The following LRBA variants were observed in gnomAD, a reference collection of about 807,000 sequenced individuals.
The protein encoded by LRBA is LPS responsive beige-like anchor protein.
LRBA carries 176 observed loss-of-function variants against 330.0 expected under a neutral mutation model. The ratio of observed to expected loss-of-function variants is 0.53; its 90% CI spans 0.47 to 0.60. The LOEUF (loss-of-function observed/expected upper bound fraction) is 0.60. Ranked by LOEUF, LRBA falls within the 20% of genes least tolerant of loss-of-function variation. The probability of loss-of-function intolerance (pLI) is 0.00; values close to 1 mark genes in which losing one functional copy is unlikely to be tolerated. For missense variants in LRBA, 3,259 were observed against 3,444.8 expected (o/e 0.95, Z 1.35); for synonymous variants, 1,230 against 1,193.0 (o/e 1.03, Z -0.64).
Position 150,697,334 on chromosome 4 carries a change from A to ACAAC in LRBA, c.5755-13618_5755-13617insGTTG. ...GTGAGACTTTGTCTCAGAAAAAAAA[A>ACAAC]AAAAAAAAAAAAAAAAACAGGGAGA... On this transcript the variant is annotated intron_variant, in intron 36 of 56. Coordinates refer to ENST00000651943, the MANE Select transcript of LRBA (RefSeq NM_001364905.1). 1.4e-4 allele frequency among the ~76,000 whole-genome samples: 21 copies of ACAAC among 147,164 alleles called. 2 individuals carry two copies. Among genetic ancestry groups the ACAAC allele is most frequent in the African/African-American group, 5.0e-4 (20 of 40,140 alleles).
intron 40 of LRBA, chr4:150,580,629 A>C (rs1771189623): frequency 6.6e-6 from 1 of 152,166 alleles, no homozygotes; most frequent in Non-Finnish European, 1.5e-5. Context: ...AATCAAACTA[A>C]AAATAATCAC....
chr4:150,870,528 G>A lies in LRBA; in HGVS notation c.2446C>T (p.Pro816Ser). ...TTAAAGTATATAAAATACATACGAG[G>A]GTTTTGTATCTTCACTGAAGAATCA... The part of the protein sequence containing the change: ...DPDSSVKIQN[P>S]QILKVIATLL... The change falls in exon 20 of 57, where the codon CCT becomes TCT. Residue 816 changes from proline to serine, a missense_variant. By Grantham distance (74) the Pro-to-Ser change is moderately conservative. Coordinates refer to ENST00000651943, the MANE Select transcript of LRBA (RefSeq NM_001364905.1). 3.2e-6 allele frequency: 5 copies of A among 1,553,942 alleles called. No homozygotes were observed. Among genetic ancestry groups the A allele is most frequent in the Non-Finnish European group, 4.4e-6 (5 of 1,126,398 alleles).
chr4:150,541,369 G>C (rs1765303184), intron 40 of LRBA, among the ~76,000 whole-genome samples: 1 of 152,094 alleles, frequency 6.6e-6, no homozygotes, highest in Non-Finnish European at 1.5e-5. Flanking sequence ...GGAAAAACTG[G>C]GACAGGAGAA....
At chr4:150,696,242 A>T (rs1353636041) in intron 36 of LRBA, among the ~76,000 whole-genome samples, 1 of 152,144 alleles carries the variant, frequency 6.6e-6, no homozygotes, top group East Asian at 1.9e-4. Flanking sequence ...AACAAAAATA[A>T]ATTTCAAATA....
chr4:150,752,788 A>T (rs541475595), intron 35 of LRBA, among the ~76,000 whole-genome samples: 2 of 152,292 alleles, frequency 1.3e-5, no homozygotes, highest in Admixed American at 1.3e-4. Flanking sequence ...AACTCATGAT[A>T]TTACAGAGGC....
intron 5 of LRBA, among the ~76,000 whole-genome samples, chr4:150,917,257 A>G (rs972219006): frequency 6.6e-6 from 1 of 151,610 alleles, no homozygotes. Flanking sequence ...CCTAATACAT[A>G]GTAATGTTAA....
chr4:150,445,365 C>CTG (rs1561188351), intron 44 of LRBA, among the ~76,000 whole-genome samples: 8 of 74,158 alleles, frequency 1.1e-4, no homozygotes, highest in African/African-American at 3.9e-4. Flanking sequence ...CTCTCTCTCT[C>CTG]TCTCTCTCTC....
rs534418818 is a variant in LRBA, at chr4:150,917,516, A to G, written c.646-778T>C. ...TAAAACTGAAGAGGATTAGTTCATA[A>G]TATTTTTAAATTATATTCAGAAGTC... On this transcript the variant is annotated intron_variant, in intron 5 of 56. Transcript: ENST00000651943. 1.5e-4 allele frequency among the ~76,000 whole-genome samples: 23 copies of G among 152,324 alleles called. No homozygotes were observed. In the South Asian group the frequency reaches 4.8e-3, roughly 32 times the overall value.
intron 44 of LRBA, among the ~76,000 whole-genome samples, chr4:150,453,766 A>C (rs1235362414): frequency 1.3e-5 from 2 of 152,154 alleles, no homozygotes; most frequent in African/African-American, 4.8e-5. Context: ...CAGGTTGGGA[A>C]CAACTGGCAC....
At chr4:150,463,127 C>CATCAAATA (rs1754990231) in intron 44 of LRBA, among the ~76,000 whole-genome samples, 1 of 151,964 alleles carries the variant, frequency 6.6e-6, no homozygotes, top group Non-Finnish European at 1.5e-5. Context: ...TCCAAACTCA[C>CATCAAATA]TTATTTCATC....
chr4:150,762,275 T>C (rs890831314), intron 34 of LRBA, among the ~76,000 whole-genome samples: 1 of 152,036 alleles, frequency 6.6e-6, no homozygotes, highest in East Asian at 1.9e-4. Flanking sequence ...TAGTTCACCA[T>C]AAAAATTGAT....
intron 40 of LRBA, among the ~76,000 whole-genome samples, chr4:150,548,845 C>A (rs1766198536): frequency 6.6e-6 from 1 of 152,072 alleles, no homozygotes; most frequent in African/African-American, 2.4e-5. Context: ...TGTTTTTCCA[C>A]AAATGAGGAA....
At chr4:150,864,270 C>T (rs1466821367) in intron 22 of LRBA, among the ~76,000 whole-genome samples, 1 of 152,010 alleles carries the variant, frequency 6.6e-6, no homozygotes, top group Admixed American at 6.6e-5. Context: ...TTAAGGTCCC[C>T]AAAGACTCTT....
chr4:150,513,163 C>T (rs1054852189), intron 40 of LRBA, among the ~76,000 whole-genome samples: 1 of 152,196 alleles, frequency 6.6e-6, no homozygotes, highest in African/African-American at 2.4e-5. Flanking sequence ...GATGGAAAGA[C>T]CACCTCAAGG....
chr4:150,356,278 C>G (rs546150640), intron 47 of LRBA, among the ~76,000 whole-genome samples: 1 of 152,006 alleles, frequency 6.6e-6, no homozygotes. Context: ...TTAGCCTGTT[C>G]AAACAAAGCA....
At chr4:150,960,037 A>G (rs1737970894) in intron 2 of LRBA, among the ~76,000 whole-genome samples, 1 of 148,160 alleles carries the variant, frequency 6.7e-6, no homozygotes, top group South Asian at 2.1e-4. Flanking sequence ...ACCGGTGTGT[A>G]CCACCATGCC....
intron 38 of LRBA, among the ~76,000 whole-genome samples, chr4:150,593,256 A>G (rs1773109164): frequency 6.6e-6 from 1 of 152,184 alleles, no homozygotes; most frequent in Admixed American, 6.5e-5. Context: ...TTGGATTTAT[A>G]ATTCCTTCTT....
At chr4:150,941,553 CT>C (rs1373333932) in intron 2 of LRBA, among the ~76,000 whole-genome samples, 1 of 152,134 alleles carries the variant, frequency 6.6e-6, no homozygotes, top group African/African-American at 2.4e-5. Context: ...ACAATCCAGA[CT>C]TTTTTTGGAA....
At chr4:150,275,118 G>GT (rs1746590405) in intron 56 of LRBA, among the ~76,000 whole-genome samples, 1 of 152,172 alleles carries the variant, frequency 6.6e-6, no homozygotes, top group Non-Finnish European at 1.5e-5. Context: ...TGCAAGGCTG[G>GT]TTCAACATAC....
Sources: allele counts gnomAD v4.1 joint callset (sites outside exome capture counted in the v4.1 genomes callset), GRCh38; gene constraint gnomAD v4.1.1; transcripts MANE v1.5; gene names NCBI Gene and HGNC (gene_info 2026-07-23, HGNC 2026-07-21).